PCDH15: variants seen among roughly 807,000 people sequenced by gnomAD.
The protein encoded by PCDH15 is protocadherin-15.
PCDH15 carries 129 observed loss-of-function variants against 178.5 expected under a neutral mutation model. The ratio of observed to expected loss-of-function variants is 0.72; its 90% CI spans 0.63 to 0.84. The LOEUF (loss-of-function observed/expected upper bound fraction) is 0.84. Among genes scored for constraint, PCDH15 ranks in the 40% least tolerant of loss-of-function variants. PCDH15 has a pLI of 0.00. For synonymous variants in PCDH15, 800 were observed against 732.0 expected (o/e 1.09, Z -1.50); for missense variants, 2,230 against 2,099.9 (o/e 1.06, Z -1.21).
At chr10:55,130,824 G>A (rs1838022853) in intron 2 of PCDH15, among the ~76,000 whole-genome samples, 1 of 151,186 alleles carries the variant, frequency 6.6e-6, no homozygotes, top group Admixed American at 6.6e-5. Context: ...CTTCTGCATA[G>A]TTCACATTAA....
intron 1 of PCDH15, among the ~76,000 whole-genome samples, chr10:55,279,451 C>T (rs1466138980): frequency 6.6e-6 from 1 of 152,116 alleles, no homozygotes; most frequent in African/African-American, 2.4e-5. Flanking sequence ...GAGATTCTGA[C>T]TTTGTTCTCT....
At chr10:53,945,311 G>T (rs2086446386) in intron 23 of PCDH15, among the ~76,000 whole-genome samples, 1 of 152,064 alleles carries the variant, frequency 6.6e-6, no homozygotes, top group Non-Finnish European at 1.5e-5. Flanking sequence ...TTGGCAAATA[G>T]AAATTTTATA....
In PCDH15 at chr10:54,501,591, T is replaced by A. The variant is rs116566355; in HGVS notation, c.157+26221A>T. Among the ~76,000 whole-genome samples, 1,483 of 152,252 alleles carry A rather than the reference T, an allele frequency of 9.7e-3. 23 individuals carry two copies. The highest frequency in any genetic ancestry group is 0.033 in the African/African-American group (1,377 of 41,568). ...TTGATCAGTGTATATTTTGTAAACA[T>A]ACACAATGACAAATGACAGCAAAGA... On this transcript the variant is annotated intron_variant, in intron 3 of 37. Transcript: ENST00000644397.
chr10:55,363,929 G>T (rs889643272), intron 2 of PCDH15, among the ~76,000 whole-genome samples: 1 of 152,080 alleles, frequency 6.6e-6, no homozygotes, highest in African/African-American at 2.4e-5. Flanking sequence ...GAGCCACTGT[G>T]CCCAGCCTGT....
intron 3 of PCDH15, among the ~76,000 whole-genome samples, chr10:54,405,277 A>T (rs755137003): frequency 6.6e-6 from 1 of 152,128 alleles, no homozygotes; most frequent in Non-Finnish European, 1.5e-5. Context: ...GGTTGAATGG[A>T]TAAAGAAAAT....
chr10:55,221,860 A>G (rs1233070259), intron 1 of PCDH15, among the ~76,000 whole-genome samples: 1 of 151,260 alleles, frequency 6.6e-6, no homozygotes, highest in African/African-American at 2.4e-5. Flanking sequence ...TAATTTATTT[A>G]TTTTTATCAT....
intron 2 of PCDH15, among the ~76,000 whole-genome samples, chr10:55,084,141 C>T (rs1283207795): frequency 6.6e-6 from 1 of 151,660 alleles, no homozygotes; most frequent in Non-Finnish European, 1.5e-5. Flanking sequence ...AGGAAGGAAA[C>T]TGGAGAAATC....
chr10:54,486,208 A>T (rs2137018730), intron 3 of PCDH15: 1 of 152,154 alleles, frequency 6.6e-6, no homozygotes, highest in East Asian at 1.9e-4. Flanking sequence ...CCTGCTAGTC[A>T]TTAACAACTC....
intron 21 of PCDH15, among the ~76,000 whole-genome samples, chr10:53,978,759 C>T (rs1259243573): frequency 6.6e-6 from 1 of 151,786 alleles, no homozygotes; most frequent in East Asian, 1.9e-4. Context: ...ATTTCTTCCA[C>T]CAGGTACCCT....
rs1841132085 is a variant in PCDH15 at position 53,806,084 on chromosome 10, C to CTT, written c.*493_*494dup. 6.5e-6 allele frequency: 1 copy of CTT among 153,522 alleles called. No individual in the cohort carries two copies. The highest frequency in any genetic ancestry group is 6.5e-5 in the Admixed American group (1 of 15,430). 9.5% of individuals were successfully genotyped at this position (153,522 alleles called of 1,614,324 possible). ...ACAGGTGATTCCCTCATTTACTTTA[C>CTT]TTTGCAATTCTAGCTTTCATTTTAA... On this transcript the variant is annotated 3_prime_UTR_variant, in exon 38 of 38. Coordinates refer to ENST00000644397, the MANE Select transcript of PCDH15 (RefSeq NM_001384140.1).
At chr10:54,781,738 A>G (rs972288736) in intron 1 of PCDH15, among the ~76,000 whole-genome samples, 1 of 152,206 alleles carries the variant, frequency 6.6e-6, no homozygotes, top group Non-Finnish European at 1.5e-5. Flanking sequence ...GGATTTGAAT[A>G]TCATAGCTCA....
At chr10:54,120,329 A>G (rs900412533) in intron 15 of PCDH15, among the ~76,000 whole-genome samples, 5 of 152,202 alleles carry the variant, frequency 3.3e-5, no homozygotes, top group Non-Finnish European at 7.4e-5. Context: ...TACATAGCCC[A>G]CAGACCCTAT....
At chr10:54,956,447 T>C (rs1200126544) in intron 2 of PCDH15, among the ~76,000 whole-genome samples, 1 of 151,406 alleles carries the variant, frequency 6.6e-6, no homozygotes, top group Non-Finnish European at 1.5e-5. Flanking sequence ...ACTATGCAAA[T>C]TGAACTTACA....
chr10:54,752,492 C>CAAAAAAAAAAAAAAA lies in PCDH15; in HGVS notation c.-29+48432_-29+48433insTTTTTTTTTTTTTTT, dbSNP rs1227186569. 3.0e-5 allele frequency among the ~76,000 whole-genome samples: 2 copies of CAAAAAAAAAAAAAAA among 67,784 alleles called. 1 individual carries two copies. Among genetic ancestry groups the CAAAAAAAAAAAAAAA allele is most frequent in the Non-Finnish European group, 6.6e-5 (2 of 30,108 alleles). The allele number at this position is 67,784 out of a possible 152,430, so 44.5% of individuals were successfully genotyped here. On this transcript the variant is annotated intron_variant, in intron 1 of 37. Transcript: ENST00000644397. ...ACTCCGTCTCAAAAAAAAAAAAAAACAAAAAACAAAAAACAAAAAACAAAC... is the reference window on the plus strand; with the variant it reads ...ACTCCGTCTCAAAAAAAAAAAAAAACAAAAAAAAAAAAAAAAAAAAACAAAAAACAAAAAACAAAC...
chr10:53,869,989 T>C (rs185873934), intron 26 of PCDH15, among the ~76,000 whole-genome samples: 5 of 152,294 alleles, frequency 3.3e-5, no homozygotes, highest in African/African-American at 1.2e-4. Flanking sequence ...TCTAAGCCCT[T>C]ATATTTAAAA....
At chr10:53,986,675 C>T (rs2091124487) in intron 21 of PCDH15, among the ~76,000 whole-genome samples, 1 of 152,156 alleles carries the variant, frequency 6.6e-6, no homozygotes, top group Admixed American at 6.5e-5. Context: ...CCATTTGTAA[C>T]AATGTGAACG....
At chr10:53,948,365 T>C (rs2134153432) in intron 23 of PCDH15, among the ~76,000 whole-genome samples, 1 of 152,292 alleles carries the variant, frequency 6.6e-6, no homozygotes, top group African/African-American at 2.4e-5. Flanking sequence ...AGAATTCTGT[T>C]TTGAATTATA....
At chr10:54,839,637 T>C (rs1393810662) in intron 3 of PCDH15, among the ~76,000 whole-genome samples, 1 of 151,998 alleles carries the variant, frequency 6.6e-6, no homozygotes, top group Non-Finnish European at 1.5e-5. Context: ...GGGAAAGATA[T>C]AGACATTAAG....
intron 1 of PCDH15, among the ~76,000 whole-genome samples, chr10:54,790,365 TA>T (rs34473599): frequency 6.6e-6 from 1 of 151,424 alleles, no homozygotes; most frequent in South Asian, 2.1e-4. Context: ...CCTATATATG[TA>T]AAAAATATAT....
Sources: gnomAD v4.1 joint callset for allele counts (sites outside exome capture counted in the v4.1 genomes callset) on GRCh38, gnomAD v4.1.1 for gene constraint, MANE v1.5 for transcripts, NCBI Gene and HGNC (gene_info 2026-07-23, HGNC 2026-07-21) for gene names.